RNLS: variants seen among roughly 807,000 people sequenced by gnomAD.
RNLS encodes renalase.
RNLS carries 39 observed loss-of-function variants against 39.8 expected under a neutral mutation model. The observed-to-expected ratio is 0.98, with a 90% confidence interval of 0.76 to 1.28. RNLS has a LOEUF of 1.28. Ranked by LOEUF, RNLS falls within the 50% of genes most tolerant of loss-of-function variation. The pLI, the probability that RNLS is intolerant of heterozygous loss-of-function variation, is 0.00. For missense variants in RNLS, 410 were observed against 413.3 expected, an observed-to-expected ratio of 0.99 and a Z score of 0.07; for synonymous variants, 147 against 150.7, an observed-to-expected ratio of 0.98 and a Z score of 0.18.
At chr10:88,191,518 A>T in the RNLS span, among the ~76,000 whole-genome samples, 1 of 152,204 alleles carries the variant, frequency 6.6e-6, no homozygotes, top group African/African-American at 2.4e-5. Context: ...GTTCTACAGG[A>T]TGAAATATAC....
the RNLS span, among the ~76,000 whole-genome samples, chr10:88,183,363 A>C: frequency 6.6e-6 from 1 of 152,186 alleles, no homozygotes; most frequent in Non-Finnish European, 1.5e-5. Context: ...TCACTTTCAC[A>C]CAACTTCATA....
chr10:88,326,153 T>C (rs1255975342), intron 5 of RNLS, among the ~76,000 whole-genome samples: 5 of 152,036 alleles, frequency 3.3e-5, no homozygotes, highest in African/African-American at 1.2e-4. Context: ...CCTCAGAGAG[T>C]GGGGTATTGA....
At chr10:88,256,500 C>T in the RNLS span, among the ~76,000 whole-genome samples, 1 of 152,348 alleles carries the variant, frequency 6.6e-6, no homozygotes, top group African/African-American at 2.4e-5. Context: ...TGAAAACCTT[C>T]CGTCTCCATC....
intron 4 of RNLS, among the ~76,000 whole-genome samples, chr10:88,558,315 TA>T (rs892095407): frequency 2.0e-5 from 3 of 152,126 alleles, no homozygotes; most frequent in Non-Finnish European, 4.4e-5. Flanking sequence ...TCCTCCTCTA[TA>T]AAATGGGAAT....
intron 4 of RNLS, among the ~76,000 whole-genome samples, chr10:88,397,000 G>A (rs1852602939): frequency 6.6e-6 from 1 of 151,884 alleles, no homozygotes; most frequent in African/African-American, 2.4e-5. Context: ...TTACAGAAGT[G>A]AATGGAAAAA....
At chr10:88,406,124 T>C (rs942363492) in intron 4 of RNLS, among the ~76,000 whole-genome samples, 2 of 152,158 alleles carry the variant, frequency 1.3e-5, no homozygotes, top group African/African-American at 4.8e-5. Context: ...CTGTAAAGGT[T>C]ACTTGGTGCT....
intron 4 of RNLS, among the ~76,000 whole-genome samples, chr10:88,503,484 AT>A (rs148614580): frequency 6.6e-6 from 1 of 152,162 alleles, no homozygotes; most frequent in Admixed American, 6.6e-5. Context: ...AACTACTCAA[AT>A]TTTTTTAATA....
chr10:88,352,004 T>G (rs1848755550), intron 5 of RNLS, among the ~76,000 whole-genome samples: 1 of 152,228 alleles, frequency 6.6e-6, no homozygotes, highest in African/African-American at 2.4e-5. Flanking sequence ...GCTCTCTGTC[T>G]GTTATTGGTG....
chr10:88,272,155 T>C (rs1394982852), downstream of RNLS, among the ~76,000 whole-genome samples: 1 of 152,050 alleles, frequency 6.6e-6, no homozygotes, highest in Non-Finnish European at 1.5e-5. Flanking sequence ...CGTGCAGGGG[T>C]TAGAGAGGAC....
At chr10:88,248,940 A>G in the RNLS span, among the ~76,000 whole-genome samples, 1 of 152,140 alleles carries the variant, frequency 6.6e-6, no homozygotes, top group Non-Finnish European at 1.5e-5. Flanking sequence ...GTCTGGAATG[A>G]TATCTCTCCT....
intron 4 of RNLS, among the ~76,000 whole-genome samples, chr10:88,452,214 G>C (rs976299430): frequency 2.6e-5 from 4 of 152,174 alleles, no homozygotes; most frequent in Admixed American, 2.6e-4. Context: ...TAAAATGTGG[G>C]TAAGAGATGA....
chr10:88,291,465 C>T (rs558601585), intron 6 of RNLS, among the ~76,000 whole-genome samples: 7 of 152,266 alleles, frequency 4.6e-5, no homozygotes, highest in African/African-American at 1.7e-4. Context: ...CCAACTGTAT[C>T]ACAGATTATG....
At chr10:88,365,516 AACACACACACACACACACACACAC>A (rs61386966) in intron 4 of RNLS, among the ~76,000 whole-genome samples, 3 of 145,910 alleles carry the variant, frequency 2.1e-5, no homozygotes, top group Admixed American at 1.4e-4. Flanking sequence ...AGGATTATAT[AACACACACACACACACACACACAC>A]ACACACACAC....
intron 5 of RNLS, among the ~76,000 whole-genome samples, chr10:88,334,235 A>AC (rs1847322042): frequency 6.6e-6 from 1 of 152,204 alleles, no homozygotes; most frequent in Non-Finnish European, 1.5e-5. Context: ...AACACTGGGT[A>AC]ATGTTTGCTA....
chr10:88,488,310 G>T (rs1361061274), intron 4 of RNLS, among the ~76,000 whole-genome samples: 1 of 152,082 alleles, frequency 6.6e-6, no homozygotes, highest in African/African-American at 2.4e-5. Flanking sequence ...ACTTTGGGAG[G>T]CCAAGGCAGG....
chr10:88,288,313 G>C (rs1843425419), intron 6 of RNLS, among the ~76,000 whole-genome samples: 1 of 152,058 alleles, frequency 6.6e-6, no homozygotes, highest in Non-Finnish European at 1.5e-5. Context: ...TAAAGAAACA[G>C]GGATTCGAAC....
chr10:88,351,893 G>C (rs1351069208), intron 5 of RNLS, among the ~76,000 whole-genome samples: 1 of 152,166 alleles, frequency 6.6e-6, no homozygotes, highest in Non-Finnish European at 1.5e-5. Flanking sequence ...GTAGTGGTTT[G>C]TAGTTCTCCT....
the RNLS span, among the ~76,000 whole-genome samples, chr10:88,215,691 A>AT: frequency 0.15 from 14,428 of 95,362 alleles, 1,262 homozygotes; most frequent in African/African-American, 0.18. Context: ...ACCATCTGTA[A>AT]TTTTTTTTTT....
At chr10:88,308,253 C>T (rs187899793) in intron 6 of RNLS, among the ~76,000 whole-genome samples, 6 of 151,996 alleles carry the variant, frequency 3.9e-5, no homozygotes, top group Admixed American at 2.6e-4. Flanking sequence ...AAAGCAATTG[C>T]GCCAAAAGCA....
Sources: allele counts gnomAD v4.1 joint callset (sites outside exome capture counted in the v4.1 genomes callset), GRCh38; gene constraint gnomAD v4.1.1; transcripts MANE v1.5; gene names NCBI Gene and HGNC (gene_info 2026-07-23, HGNC 2026-07-21).